Variants in AP1M1 observed in about 807,000 individuals in gnomAD.
AP1M1 encodes adaptor related protein complex 1 subunit mu 1.
Under a neutral mutation model 57.1 loss-of-function variants are expected in AP1M1, and 18 were observed. The ratio of observed to expected loss-of-function variants is 0.32; its 90% CI spans 0.22 to 0.47. The LOEUF (loss-of-function observed/expected upper bound fraction) is 0.47, where lower values mean the gene tolerates loss of function less well. Among genes scored for constraint, AP1M1 ranks in the 20% least tolerant of loss-of-function variants. The pLI is 1.00. For missense variants in AP1M1, 362 were observed against 593.5 expected (o/e 0.61, Z 4.05); for synonymous variants, 241 against 237.9 (o/e 1.01, Z -0.12).
Position 16,206,191 on chromosome 19 carries a change from T to C in AP1M1, c.200-150T>C, listed in dbSNP as rs540063261. On this transcript the variant is annotated intron_variant, in intron 2 of 11. Coordinates refer to ENST00000291439, the MANE Select transcript of AP1M1 (RefSeq NM_032493.4). This position sits in a 1 kb window ranked among gnomAD's most constrained non-coding sequence, Gnocchi z 4.3. ...CAGGTCTAGCTTGGACCAGGAGCTTTGTAGCCCACCATGGGCCAAGTAAAC... is the reference window on the plus strand; with the variant it reads ...CAGGTCTAGCTTGGACCAGGAGCTTCGTAGCCCACCATGGGCCAAGTAAAC... 7.9e-6 allele frequency: 6 copies of C among 755,530 alleles called. No homozygotes were observed. The African/African-American group carries it at 1.1e-4, about 13-fold the overall frequency. The allele number at this position is 755,530 out of a possible 1,614,324, so 46.8% of individuals were successfully genotyped here.
At chr19:16,198,967 C>T (rs908185415) in intron 1 of AP1M1, among the ~76,000 whole-genome samples, 1 of 152,066 alleles carries the variant, frequency 6.6e-6, no homozygotes, top group Admixed American at 6.5e-5. Context: ...GCCACTACGC[C>T]GAGCTAAATT....
intron 5 of AP1M1, among the ~76,000 whole-genome samples, chr19:16,224,742 G>C (rs1241607236): frequency 2.0e-5 from 3 of 152,220 alleles, no homozygotes; most frequent in African/African-American, 7.2e-5. Context: ...AACTCCCTGA[G>C]GGGGAGGCAG....
intron 5 of AP1M1, among the ~76,000 whole-genome samples, chr19:16,215,206 GGGGGGA>G (rs2091513358): frequency 4.4e-5 from 2 of 45,456 alleles, no homozygotes; most frequent in Admixed American, 3.7e-4. Context: ...GGGGCGGGGG[GGGGGGA>G]GAGGGGGGAG....
rs1490194156 is a variant in AP1M1, at chr19:16,203,783, G to A, written c.199+168G>A. Among the ~76,000 whole-genome samples the A allele has an allele frequency of 2.6e-5, 4 of 152,196 alleles. No individual in the cohort carries two copies. The highest frequency in any genetic ancestry group is 6.5e-5 in the Admixed American group (1 of 15,280). ...CTGCGGAGACAGGCAGACAATGCACGATGACATGTGTGATGGGTGTGGGGA... is the reference window on the plus strand; with the variant it reads ...CTGCGGAGACAGGCAGACAATGCACAATGACATGTGTGATGGGTGTGGGGA... On this transcript the variant is annotated intron_variant, in intron 2 of 11. Transcript: ENST00000291439. The surrounding 1 kb of genome is among the most constrained non-coding windows in gnomAD (Gnocchi z 4.6).
intron 5 of AP1M1, among the ~76,000 whole-genome samples, chr19:16,213,762 G>A (rs2091505717): frequency 6.6e-6 from 1 of 152,102 alleles, no homozygotes; most frequent in Non-Finnish European, 1.5e-5. Flanking sequence ...CAAAGTGCTG[G>A]GATATTACAG....
chr19:16,229,513 G>C (rs2091586749), intron 9 of AP1M1, among the ~76,000 whole-genome samples: 1 of 152,206 alleles, frequency 6.6e-6, no homozygotes, highest in South Asian at 2.1e-4. Context: ...CTGGAGCTGA[G>C]CCGGGTGGCA....
In AP1M1 at chr19:16,239,312, C is replaced by T. The variant is rs892965899; in HGVS notation, c.*4877C>T. The T allele has an allele frequency of 8.1e-6, 1 of 123,604 alleles. No individual in the cohort carries two copies. Among genetic ancestry groups the T allele is most frequent in the African/African-American group, 3.0e-5 (1 of 32,808 alleles). 7.7% of individuals were successfully genotyped at this position (123,604 alleles called of 1,614,324 possible). ...CAAAGCTGGGCATGGTAGTATGCAC[C>T]TGTAGTCCCAACTACTTGGGAGGCT... On this transcript the variant is annotated 3_prime_UTR_variant, in exon 12 of 12. Transcript: ENST00000291439.
rs143380976 is a variant in AP1M1, at chr19:16,227,648, C to T, written c.774C>T (p.Pro258=). The T allele has an allele frequency of 9.3e-6, 15 of 1,613,924 alleles. No individual in the cohort carries two copies. Among genetic ancestry groups the T allele is most frequent in the African/African-American group, 4.0e-5 (3 of 74,910 alleles). The change falls in exon 7 of 12, where the codon CCC becomes CCT. Residue 258 remains proline, a synonymous_variant. Coordinates refer to ENST00000291439, the MANE Select transcript of AP1M1 (RefSeq NM_032493.4). The surrounding 1 kb of genome is among the most constrained non-coding windows in gnomAD (Gnocchi z 6.2). ...ACCGCACCATCTCCTTCATCCCACC[C>T]GACGGCGAGTTCGAGCTCATGTCCT... The part of the protein sequence containing the change: ...ENDRTISFIP[P]DGEFELMSYR...
chr19:16,234,379 G>C (rs148649169), intron 11 of AP1M1, 34 bp from the exon 12 acceptor site: 3 of 1,613,854 alleles, frequency 1.9e-6, no homozygotes, highest in Non-Finnish European at 2.5e-6. Flanking sequence ...GGAGGGTGCA[G>C]AGCCCAGCAT....
intron 5 of AP1M1, 29 bp from the exon 6 acceptor site, chr19:16,226,392 T>G: frequency 6.6e-7 from 1 of 1,511,674 alleles, no homozygotes; most frequent in Non-Finnish European, 8.9e-7. Flanking sequence ...GTTGGGGACC[T>G]CCCCTCACGC....
chr19:16,228,045 TG>T lies in AP1M1; in HGVS notation c.817-90del. The stretch of plus-strand genomic sequence containing the variant: ...GGCTCTGGGCCCACACCTGGGCAGA[TG>T]GTCCCTTGCCCTGGGCCTTGGTTTC... On this transcript the variant is annotated intron_variant, in intron 7 of 11. Transcript: ENST00000291439. The surrounding 1 kb of genome is among the most constrained non-coding windows in gnomAD (Gnocchi z 5.0). 1 of 1,308,894 alleles carries T rather than the reference TG, an allele frequency of 7.6e-7. No individual in the cohort carries two copies. Among genetic ancestry groups the T allele is most frequent in the Non-Finnish European group, 1.1e-6 (1 of 922,196 alleles). 81.1% of individuals were successfully genotyped at this position (1,308,894 alleles called of 1,614,324 possible).
chr19:16,230,924 A>C (rs1296522790), intron 9 of AP1M1, among the ~76,000 whole-genome samples: 1 of 152,176 alleles, frequency 6.6e-6, no homozygotes, highest in Non-Finnish European at 1.5e-5. Flanking sequence ...AGTTGATGAC[A>C]ACCACAGAGA....
Position 16,223,196 on chromosome 19 carries a change from C to T in AP1M1, c.547-3225C>T, listed in dbSNP as rs560306703. Among the ~76,000 whole-genome samples the T allele has an allele frequency of 3.6e-4, 55 of 152,328 alleles. 1 individual carries two copies. The South Asian group carries it at 0.011, about 30-fold the overall frequency. ...AACCTGTAGGCCATGAGCATCACGT[C>T]AGTTTTTAAAGCCCCCGTGCCATTT... On this transcript the variant is annotated intron_variant, in intron 5 of 11. Coordinates refer to ENST00000291439, the MANE Select transcript of AP1M1 (RefSeq NM_032493.4).
chr19:16,217,255 C>T (rs1003403121), intron 5 of AP1M1, among the ~76,000 whole-genome samples: 12 of 151,950 alleles, frequency 7.9e-5, no homozygotes, highest in African/African-American at 2.7e-4. Context: ...GTGGGGCTGG[C>T]GGGCTCTATG....
At chr19:16,221,647 T>C (rs2091544908) in intron 5 of AP1M1, among the ~76,000 whole-genome samples, 1 of 152,226 alleles carries the variant, frequency 6.6e-6, no homozygotes, top group Admixed American at 6.5e-5. Flanking sequence ...CTCATTCCCT[T>C]ATATCTAACA....
chr19:16,203,124 C>T lies in AP1M1; in HGVS notation c.43-335C>T. The stretch of plus-strand genomic sequence containing the variant: ...AAGGTGCGTTGGCCCGGCAAAGGCT[C>T]TGAGAAGGTCTGCATTGAGAGCTTG... On this transcript the variant is annotated intron_variant, in intron 1 of 11. Transcript: ENST00000291439. The surrounding 1 kb of genome is among the most constrained non-coding windows in gnomAD (Gnocchi z 4.6). 1 of 289,816 alleles carries T rather than the reference C, an allele frequency of 3.5e-6. No individual in the cohort carries two copies. Among genetic ancestry groups the T allele is most frequent in the Admixed American group, 4.9e-5 (1 of 20,408 alleles). The allele number at this position is 289,816 out of a possible 1,614,324, so 18.0% of individuals were successfully genotyped here.
At chr19:16,229,983 C>T (rs1204084217) in intron 9 of AP1M1, among the ~76,000 whole-genome samples, 3 of 152,202 alleles carry the variant, frequency 2.0e-5, no homozygotes, top group African/African-American at 7.2e-5. Context: ...GTTGGATTAG[C>T]TCCTCTTTTC....
chr19:16,226,343 A>G, intron 5 of AP1M1, 78 bp from the exon 6 acceptor site: 1 of 1,479,420 alleles, frequency 6.8e-7, no homozygotes, highest in East Asian at 2.5e-5. Context: ...TGGGGTGGCC[A>G]GAGGGTCACA....
intron 9 of AP1M1, among the ~76,000 whole-genome samples, chr19:16,230,415 T>TTC (rs1325150146): frequency 2.0e-5 from 3 of 151,928 alleles, no homozygotes; most frequent in Non-Finnish European, 4.4e-5. Context: ...TTTTTTTTTT[T>TTC]TTTGAGACGG....
Sources: allele counts gnomAD v4.1 joint callset (sites outside exome capture counted in the v4.1 genomes callset), GRCh38; gene constraint gnomAD v4.1.1; non-coding constraint Gnocchi (gnomAD v3.1); transcripts MANE v1.5; gene names NCBI Gene and HGNC (gene_info 2026-07-23, HGNC 2026-07-21).